MMP26: variants seen among roughly 807,000 people sequenced by gnomAD.
MMP26 encodes matrix metalloproteinase-26.
MMP26 carries 33 observed loss-of-function variants against 31.0 expected under a neutral mutation model. The ratio of observed to expected loss-of-function variants is 1.06; its 90% CI spans 0.81 to 1.42. The LOEUF is 1.42. Ranked by LOEUF, MMP26 falls within the 40% of genes most tolerant of loss-of-function variation. The probability of loss-of-function intolerance (pLI) is 0.00; values close to 1 mark genes in which losing one functional copy is unlikely to be tolerated. For missense variants in MMP26, 347 were observed against 316.1 expected (o/e 1.10, Z -0.74); for synonymous variants, 122 against 114.9 (o/e 1.06, Z -0.40).
chr11:4,818,747 G>T (rs1157386663), intron 2 of MMP26, among the ~76,000 whole-genome samples: 1 of 152,022 alleles, frequency 6.6e-6, no homozygotes, highest in African/African-American at 2.4e-5. Flanking sequence ...TTAAAAGACT[G>T]TTTTTCTCGT....
intron 2 of MMP26, among the ~76,000 whole-genome samples, chr11:4,916,638 C>T (rs1191505144): frequency 6.6e-6 from 1 of 152,156 alleles, no homozygotes; most frequent in East Asian, 1.9e-4. Flanking sequence ...GACATAGAAG[C>T]TTAGCCTTGT....
intron 2 of MMP26, among the ~76,000 whole-genome samples, chr11:4,811,133 T>G (rs944113527): frequency 8.5e-5 from 13 of 152,202 alleles, no homozygotes; most frequent in African/African-American, 3.1e-4. Flanking sequence ...AATATTATTT[T>G]GGAGATCAGG....
Position 4,986,932 on chromosome 11 carries a change from C to CTCTCTCTCTCTCT in MMP26, c.-144-1136_-144-1135insTCTCTCTCTCTCT, listed in dbSNP as rs1564819722. Reference sequence around the variant, plus strand: ...CTCTCTCTCTCTCTCTCTCTCTCTCCCTCTCTCTCTCTCTCTCTCTCTCTC... The same window carrying CTCTCTCTCTCTCT: ...CTCTCTCTCTCTCTCTCTCTCTCTCCTCTCTCTCTCTCTCTCTCTCTCTCTCTCTCTCTCTCTC... On this transcript the variant is annotated intron_variant, in intron 2 of 7. Coordinates refer to ENST00000380390, the MANE Select transcript of MMP26 (RefSeq NM_021801.5). Among the ~76,000 whole-genome samples, 50 of 60,428 alleles carry CTCTCTCTCTCTCT rather than the reference C, an allele frequency of 8.3e-4. 4 individuals carry two copies. Among genetic ancestry groups the CTCTCTCTCTCTCT allele is most frequent in the Middle Eastern group, 0.013 (1 of 76 alleles). The allele number at this position is 60,428 out of a possible 152,430, so 39.6% of individuals were successfully genotyped here. A position where few individuals can be genotyped will look rare whatever the true frequency, so the allele number is the denominator to read the frequency against.
At chr11:4,883,020 G>A in intron 2 of MMP26, 1 of 652,394 alleles carries the variant, frequency 1.5e-6, no homozygotes, top group East Asian at 2.7e-5. Flanking sequence ...ATTTTCCCCT[G>A]AGCTTATCAA....
chr11:4,930,891 C>T (rs898848988), intron 2 of MMP26, among the ~76,000 whole-genome samples: 22 of 151,516 alleles, frequency 1.5e-4, no homozygotes, highest in South Asian at 8.3e-4. Flanking sequence ...CTTTTTGCAG[C>T]GTTGTTCTCA....
intron 2 of MMP26, among the ~76,000 whole-genome samples, chr11:4,978,795 G>A (rs1212480410): frequency 1.3e-5 from 2 of 151,950 alleles, no homozygotes; most frequent in Non-Finnish European, 2.9e-5. Context: ...ACGTTGTTAG[G>A]GTCCTACCTT....
At chr11:4,868,243 G>A (rs964454750) in intron 2 of MMP26, among the ~76,000 whole-genome samples, 3 of 151,810 alleles carry the variant, frequency 2.0e-5, no homozygotes, top group Non-Finnish European at 4.4e-5. Context: ...AGGTGTGCTG[G>A]AGGGTATTCA....
chr11:4,816,092 AAATT>A (rs1428936665), intron 2 of MMP26, among the ~76,000 whole-genome samples: 4 of 152,192 alleles, frequency 2.6e-5, no homozygotes, highest in African/African-American at 9.6e-5. Flanking sequence ...TTGTCTAAAT[AAATT>A]GTTTAATTTC....
intron 2 of MMP26, chr11:4,914,689 A>G (rs775391873): frequency 2.7e-6 from 4 of 1,500,000 alleles, no homozygotes; most frequent in Non-Finnish European, 3.7e-6. Flanking sequence ...GGCACGTTTC[A>G]GGAGACAGTG....
chr11:4,877,685 A>AT (rs1174576206), intron 2 of MMP26: 5 of 152,166 alleles, frequency 3.3e-5, no homozygotes, highest in Non-Finnish European at 5.9e-5. Flanking sequence ...GAGGAACTGA[A>AT]TTTTAAATGT....
At chr11:4,794,474 T>C (rs776417783) in intron 2 of MMP26, among the ~76,000 whole-genome samples, 3 of 152,156 alleles carry the variant, frequency 2.0e-5, no homozygotes, top group Non-Finnish European at 2.9e-5. Context: ...GCAATCTTCC[T>C]GGATGTTGCA....
At chr11:4,830,838 C>T (rs1050084662) in intron 2 of MMP26, among the ~76,000 whole-genome samples, 9 of 152,010 alleles carry the variant, frequency 5.9e-5, no homozygotes, top group African/African-American at 1.9e-4. Flanking sequence ...GAAGGGTAGA[C>T]ACACAGAAGC....
At chr11:4,919,066 GA>G (rs745446085) in intron 2 of MMP26, 1 of 152,218 alleles carries the variant, frequency 6.6e-6, no homozygotes, top group Non-Finnish European at 1.5e-5. Context: ...CTCTGGGCAA[GA>G]AAACAAGGAA....
At chr11:4,817,356 G>A (rs1849436153) in intron 2 of MMP26, among the ~76,000 whole-genome samples, 1 of 152,154 alleles carries the variant, frequency 6.6e-6, no homozygotes, top group African/African-American at 2.4e-5. Context: ...GGCAAAGGCT[G>A]GAGGATATCT....
chr11:4,888,046 T>C (rs1850567612), intron 2 of MMP26, among the ~76,000 whole-genome samples: 1 of 152,094 alleles, frequency 6.6e-6, no homozygotes, highest in Admixed American at 6.6e-5. Context: ...TTTTGCCATA[T>C]AAAATATGTA....
intron 2 of MMP26, among the ~76,000 whole-genome samples, chr11:4,923,182 T>G (rs1851209027): frequency 6.6e-6 from 1 of 152,212 alleles, no homozygotes; most frequent in Non-Finnish European, 1.5e-5. Flanking sequence ...AATTATTTCC[T>G]TGCTCATTCT....
intron 2 of MMP26, among the ~76,000 whole-genome samples, chr11:4,797,515 C>G (rs1244477410): frequency 6.6e-6 from 1 of 152,150 alleles, no homozygotes; most frequent in Non-Finnish European, 1.5e-5. Flanking sequence ...CAAGAGAACT[C>G]CTGCTGCAAA....
At chr11:4,722,756 G>A (rs145392786) in intron 1 of MMP26, 1 of 945,086 alleles carries the variant, frequency 1.1e-6, no homozygotes, top group East Asian at 2.4e-5. Context: ...GGACGTCAGA[G>A]GACTCGGACA....
chr11:4,753,091 G>A (rs970478500), intron 1 of MMP26: 1 of 152,002 alleles, frequency 6.6e-6, no homozygotes, highest in African/African-American at 2.4e-5. Flanking sequence ...TAAAACTTTA[G>A]AGTACAGCTC....
Sources: allele counts gnomAD v4.1 joint callset (sites outside exome capture counted in the v4.1 genomes callset), GRCh38; gene constraint gnomAD v4.1.1; transcripts MANE v1.5; gene names NCBI Gene and HGNC (gene_info 2026-07-23, HGNC 2026-07-21).